The following ZNF780B variants were observed in gnomAD, a reference collection of about 807,000 sequenced individuals.
ZNF780B encodes the protein zinc finger protein 779.
In ZNF780B, 52 loss-of-function variants were observed where a neutral mutation model predicts 74.1. That is an observed-to-expected ratio of 0.70 (90% CI 0.56 to 0.88). The LOEUF is 0.88. ZNF780B is among the 40% of genes least tolerant of loss of function. The pLI, the probability that ZNF780B is intolerant of heterozygous loss-of-function variation, is 0.00. For synonymous variants in ZNF780B, 315 were observed against 324.3 expected, an observed-to-expected ratio of 0.97 and a Z score of 0.31; for missense variants, 953 against 1,007.6, an observed-to-expected ratio of 0.95 and a Z score of 0.73.
rs774706384 is a variant in ZNF780B at position 40,047,490 on chromosome 19, C to T, written c.137-20G>A. The T allele has an allele frequency of 6.5e-7, 1 of 1,548,722 alleles. No homozygotes were observed. The highest frequency in any genetic ancestry group is 8.7e-7 in the Non-Finnish European group (1 of 1,150,148). On this transcript the variant is annotated intron_variant, in intron 3 of 4. Transcript: ENST00000434248. ...AACTTCCTGCTTAAAAGAAATAACA[C>T]ATGTAGAATTTTTTTAATATAAAAA...
Position 40,048,771 on chromosome 19 carries a change from G to A in ZNF780B, c.35C>T (p.Ala12Val). 1 of 1,614,152 alleles carries A rather than the reference G, an allele frequency of 6.2e-7. No individual in the cohort carries two copies. Among genetic ancestry groups the A allele is most frequent in the South Asian group, 1.1e-5 (1 of 91,088 alleles). Residue 12 changes from alanine (A) to valine (V), a missense_variant, in exon 3 of 5, where the codon GCC (alanine) becomes GTC (valine). Ala to Val is a moderately conservative substitution (Grantham distance 64, BLOSUM62 0). Coordinates refer to ENST00000434248, the MANE Select transcript of ZNF780B (RefSeq NM_001005851.3). ...CCACTCCTCCTGAGAGAAGTCAATG[G>A]CCACATCCCTGAATGTCACTGATCC... ...VHGSVTFRDV[A>V]IDFSQEEWEC... is the part of the protein sequence containing the mutation.
At chr19:40,039,783 T>G (rs1374977986) in intron 4 of ZNF780B, among the ~76,000 whole-genome samples, 1 of 152,136 alleles carries the variant, frequency 6.6e-6, no homozygotes, top group Non-Finnish European at 1.5e-5. Flanking sequence ...TTTGCTGAAG[T>G]TGCTTATCAG....
rs1226583317 is a variant in ZNF780B, at chr19:40,034,538, A to C, written c.2321T>G (p.Ile774Ser). Residue 774 changes from isoleucine to serine, a missense_variant, in exon 5 of 5, where the codon ATT becomes AGT. Physicochemically the swap from Ile to Ser is moderately radical, Grantham distance 142. Transcript: ENST00000434248. ...RGSNLVQPQS[I>S]HTGEKPYECK... ...TTCATAGGGTTTCTCACCAGTATGAATACTCTGAGGTTGAACAAGGTTTGA... is the reference window on the plus strand; with the variant it reads ...TTCATAGGGTTTCTCACCAGTATGACTACTCTGAGGTTGAACAAGGTTTGA... The C allele has an allele frequency of 6.2e-7, 1 of 1,614,022 alleles. No homozygotes were observed. Among genetic ancestry groups the C allele is most frequent in the East Asian group, 2.2e-5 (1 of 44,866 alleles).
rs552162619 is a variant in ZNF780B, at chr19:40,030,695, T to C, written c.*3662A>G. The C allele has an allele frequency of 5.9e-5, 9 of 152,284 alleles. No individual in the cohort carries two copies. Among genetic ancestry groups the C allele is most frequent in the African/African-American group, 2.2e-4 (9 of 41,558 alleles). The allele number at this position is 152,284 out of a possible 1,614,324, so 9.4% of individuals were successfully genotyped here. A position where few individuals can be genotyped will look rare whatever the true frequency, so the allele number is the denominator to read the frequency against. On this transcript the variant is annotated 3_prime_UTR_variant, in exon 5 of 5. Transcript: ENST00000434248. Reference sequence around the variant, plus strand: ...TGCAAAGGGACTCTGACTTCCAACATAGTACTGCCATGATTGCATGATGAT... The same window carrying C: ...TGCAAAGGGACTCTGACTTCCAACACAGTACTGCCATGATTGCATGATGAT...
chr19:40,039,540 A>G (rs1461621738), intron 4 of ZNF780B, among the ~76,000 whole-genome samples: 2 of 151,752 alleles, frequency 1.3e-5, no homozygotes, highest in African/African-American at 4.8e-5. Context: ...CTTCCTACCC[A>G]TGAGCATGGA....
rs1021524026 is a variant in ZNF780B at position 40,032,407 on chromosome 19, T to C, written c.*1950A>G. 3 of 389,098 alleles carry C rather than the reference T, an allele frequency of 7.7e-6. No homozygotes were observed. Among genetic ancestry groups the C allele is most frequent in the African/African-American group, 6.4e-5 (3 of 47,130 alleles). 24.1% of individuals were successfully genotyped at this position (389,098 alleles called of 1,614,324 possible). ...ACCAAATGCAATGCAGAATCTGCAA[T>C]GGACTCTCCTTAGAAAATGAATAGC... On this transcript the variant is annotated 3_prime_UTR_variant, in exon 5 of 5. Transcript: ENST00000434248.
intron 1 of ZNF780B, among the ~76,000 whole-genome samples, chr19:40,055,782 A>G (rs1854099): frequency 0.018 from 2,787 of 152,144 alleles, 73 homozygotes; most frequent in African/African-American, 0.06. Flanking sequence ...TCTCGGTTCA[A>G]TATCTAACCT....
chr19:40,047,925 A>G (rs1033601042), intron 3 of ZNF780B, among the ~76,000 whole-genome samples: 7 of 152,366 alleles, frequency 4.6e-5, no homozygotes, highest in African/African-American at 1.7e-4. Context: ...GCACAAAGTT[A>G]AAAATTATTA....
At chr19:40,049,798 G>T (rs548781962) in intron 2 of ZNF780B, among the ~76,000 whole-genome samples, 1 of 152,266 alleles carries the variant, frequency 6.6e-6, no homozygotes. Context: ...CCTGCTCAAA[G>T]AAAACATCAA....
chr19:40,034,578 C>T lies in ZNF780B; in HGVS notation c.2281G>A (p.Ala761Thr), dbSNP rs1475903970. ...ACAAGGTTTGAGCCACGATTAAAGG[C>T]CTTCCCACACTCCTTACATTTAAAT... ...KPFKCKECGK[A>T]FNRGSNLVQP... The change falls in exon 5 of 5, where the codon GCC (alanine) becomes ACC (threonine). Residue 761 changes from alanine (A) to threonine (T), a missense_variant. Ala to Thr is a moderately conservative substitution (Grantham distance 58). Transcript: ENST00000434248. 7 of 1,613,236 alleles carry T rather than the reference C, an allele frequency of 4.3e-6. No individual in the cohort carries two copies. The Admixed American group carries it at 5.0e-5, about 12-fold the overall frequency.
chr19:40,043,918 A>G (rs1218853066), intron 4 of ZNF780B, among the ~76,000 whole-genome samples: 1 of 152,184 alleles, frequency 6.6e-6, no homozygotes, highest in African/African-American at 2.4e-5. Context: ...ACTGTCCTGC[A>G]TGCACTGTCT....
rs2144695650 is a variant in ZNF780B, at chr19:40,034,760, T to G, written c.2099A>C (p.Lys700Thr). ...THSSAKPFVCKECRKTFRYHY... is the reference protein window; with the variant it reads ...THSSAKPFVCTECRKTFRYHY... ...ATATCTAAAGGTCTTCCTACACTCCTTACATACAAAGGGTTTCGCACTGGA... is the reference window on the plus strand; with the variant it reads ...ATATCTAAAGGTCTTCCTACACTCCGTACATACAAAGGGTTTCGCACTGGA... Residue 700 changes from lysine to threonine, a missense_variant, in exon 5 of 5, where the codon AAG (lysine) becomes ACG (threonine). Physicochemically the swap from Lys to Thr is moderately conservative, Grantham distance 78 (BLOSUM62 -1). Transcript: ENST00000434248. 6.2e-7 allele frequency: 1 copy of G among 1,614,028 alleles called. No homozygotes were observed. Among genetic ancestry groups the G allele is most frequent in the East Asian group, 2.2e-5 (1 of 44,864 alleles).
At chr19:40,041,064 C>A (rs896908124) in intron 4 of ZNF780B, among the ~76,000 whole-genome samples, 3 of 152,226 alleles carry the variant, frequency 2.0e-5, no homozygotes, top group Admixed American at 6.5e-5. Flanking sequence ...TTTCCCTCTA[C>A]ATACTGCTTT....
At chr19:40,040,102 T>G (rs1015815431) in intron 4 of ZNF780B, among the ~76,000 whole-genome samples, 1 of 152,322 alleles carries the variant, frequency 6.6e-6, no homozygotes, top group East Asian at 1.9e-4. Flanking sequence ...CCTCATTTAT[T>G]GAGAGTTTTT....
At chr19:40,048,204 G>A (rs1166967158) in intron 3 of ZNF780B, among the ~76,000 whole-genome samples, 1 of 152,156 alleles carries the variant, frequency 6.6e-6, no homozygotes, top group Non-Finnish European at 1.5e-5. Flanking sequence ...AAGTACAGTG[G>A]CATGACCACG....
Position 40,032,069 on chromosome 19 carries a change from A to G in ZNF780B, c.*2288T>C, listed in dbSNP as rs1205993554. ...ACTTACTTTCCCTTGTAAAGAAAATACAACCAAGAACAAGGCTAAATGACA... is the reference window on the plus strand; with the variant it reads ...ACTTACTTTCCCTTGTAAAGAAAATGCAACCAAGAACAAGGCTAAATGACA... On this transcript the variant is annotated 3_prime_UTR_variant, in exon 5 of 5. Coordinates refer to ENST00000434248, the MANE Select transcript of ZNF780B (RefSeq NM_001005851.3). 1 of 456,370 alleles carries G rather than the reference A, an allele frequency of 2.2e-6. No homozygotes were observed. Among genetic ancestry groups the G allele is most frequent in the Non-Finnish European group, 4.4e-6 (1 of 226,842 alleles). The allele number at this position is 456,370 out of a possible 1,614,324, so 28.3% of individuals were successfully genotyped here. A position where few individuals can be genotyped will look rare whatever the true frequency, so the allele number is the denominator to read the frequency against.
At chr19:40,050,218 AAAAAAT>A in intron 2 of ZNF780B, 100 bp downstream of exon 2, 1 of 1,185,372 alleles carries the variant, frequency 8.4e-7, no homozygotes, top group African/African-American at 1.6e-5. Flanking sequence ...AAAAAAAAAA[AAAAAAT>A]CGTGGATCCT....
intron 2 of ZNF780B, among the ~76,000 whole-genome samples, chr19:40,049,389 A>G (rs763672200): frequency 3.3e-5 from 5 of 152,188 alleles, no homozygotes; most frequent in Admixed American, 3.3e-4. Context: ...AATAACTGAC[A>G]TATTAGATTT....
chr19:40,042,665 C>G (rs1451267940), intron 4 of ZNF780B, among the ~76,000 whole-genome samples: 1 of 152,220 alleles, frequency 6.6e-6, no homozygotes, highest in African/African-American at 2.4e-5. Flanking sequence ...TCTTCCATCA[C>G]TGATACCCTT....
Sources: gnomAD v4.1 joint callset for allele counts (sites outside exome capture counted in the v4.1 genomes callset) on GRCh38, gnomAD v4.1.1 for gene constraint, MANE v1.5 for transcripts, NCBI Gene and HGNC (gene_info 2026-07-23, HGNC 2026-07-21) for gene names.